SPOCK3: variants seen among roughly 807,000 people sequenced by gnomAD.
The protein encoded by SPOCK3 is SPARC (osteonectin), cwcv and kazal like domains proteoglycan 3, also known as testican-3.
SPOCK3 carries 30 observed loss-of-function variants against 56.6 expected under a neutral mutation model. That is an observed-to-expected ratio of 0.53 (90% CI 0.40 to 0.72). The LOEUF is 0.72. Ranked by LOEUF, SPOCK3 falls within the 30% of genes least tolerant of loss-of-function variation. SPOCK3 has a pLI of 0.00. For missense variants in SPOCK3, 527 were observed against 530.0 expected, an observed-to-expected ratio of 0.99 and a Z score of 0.06; for synonymous variants, 196 against 183.3, an observed-to-expected ratio of 1.07 and a Z score of -0.56.
At chr4:167,064,366 C>T (rs139703058) in intron 2 of SPOCK3, among the ~76,000 whole-genome samples, 57 of 151,694 alleles carry the variant, frequency 3.8e-4, no homozygotes, top group African/African-American at 1.3e-3. Context: ...GATAATGCTA[C>T]TGGATAATTA....
chr4:166,979,040 T>G (rs1746291622), intron 4 of SPOCK3, among the ~76,000 whole-genome samples: 3 of 152,204 alleles, frequency 2.0e-5, no homozygotes, highest in Admixed American at 1.3e-4. Context: ...ATTCTGTTTT[T>G]CAAACACTTC....
intron 7 of SPOCK3, among the ~76,000 whole-genome samples, chr4:166,788,141 C>T (rs1192920873): frequency 1.3e-5 from 2 of 152,084 alleles, no homozygotes; most frequent in Non-Finnish European, 2.9e-5. Context: ...GAGATGGCAC[C>T]ACTGCAGTCC....
At chr4:166,809,001 C>T (rs1743483574) in intron 6 of SPOCK3, among the ~76,000 whole-genome samples, 1 of 151,954 alleles carries the variant, frequency 6.6e-6, no homozygotes, top group African/African-American at 2.4e-5. Flanking sequence ...TATAAATTTG[C>T]TTCTTACACA....
chr4:166,841,934 T>C (rs761190381), intron 6 of SPOCK3, among the ~76,000 whole-genome samples: 1 of 152,222 alleles, frequency 6.6e-6, no homozygotes, highest in Non-Finnish European at 1.5e-5. Flanking sequence ...CTGTAGTTTG[T>C]TCCTTCTGAT....
intron 2 of SPOCK3, among the ~76,000 whole-genome samples, chr4:167,209,884 C>T (rs186018425): frequency 1.4e-4 from 21 of 152,144 alleles, no homozygotes; most frequent in Non-Finnish European, 2.4e-4. Context: ...AATGGGAATT[C>T]CTTATACTAA....
intron 6 of SPOCK3, among the ~76,000 whole-genome samples, chr4:166,881,890 C>T (rs1468659991): frequency 1.3e-5 from 2 of 152,184 alleles, no homozygotes; most frequent in South Asian, 2.1e-4. Flanking sequence ...AAAGCTAATA[C>T]GTCCTATACT....
chr4:166,932,001 G>A (rs556556242), intron 4 of SPOCK3, among the ~76,000 whole-genome samples: 2 of 152,182 alleles, frequency 1.3e-5, no homozygotes, highest in East Asian at 1.9e-4. Context: ...GAAATACAGA[G>A]GAAGAAAATA....
chr4:167,041,248 T>C (rs1365771270), intron 3 of SPOCK3, among the ~76,000 whole-genome samples: 1 of 152,120 alleles, frequency 6.6e-6, no homozygotes, highest in Non-Finnish European at 1.5e-5. Flanking sequence ...GCAATAAAAA[T>C]GGGAGCTTGT....
chr4:166,870,668 C>A (rs530611531), intron 6 of SPOCK3, among the ~76,000 whole-genome samples: 1 of 152,030 alleles, frequency 6.6e-6, no homozygotes, highest in Non-Finnish European at 1.5e-5. Flanking sequence ...GAAAATACAA[C>A]TCATAAAAAT....
intron 2 of SPOCK3, among the ~76,000 whole-genome samples, chr4:167,169,360 C>T (rs1730294168): frequency 6.6e-6 from 1 of 152,208 alleles, no homozygotes; most frequent in South Asian, 2.1e-4. Flanking sequence ...ATGGAGCTGT[C>T]CAAGTCTGTG....
At chr4:167,068,941 C>T (rs1010190675) in intron 2 of SPOCK3, among the ~76,000 whole-genome samples, 1 of 151,890 alleles carries the variant, frequency 6.6e-6, no homozygotes, top group African/African-American at 2.4e-5. Context: ...GTGAACCTAA[C>T]TTATAAACAT....
chr4:166,771,841 A>G (rs1352715115), intron 7 of SPOCK3, among the ~76,000 whole-genome samples: 1 of 152,088 alleles, frequency 6.6e-6, no homozygotes, highest in African/African-American at 2.4e-5. Context: ...TACATGGTAC[A>G]TCATAAAATT....
chr4:167,168,330 A>C (rs1043648921), intron 2 of SPOCK3, among the ~76,000 whole-genome samples: 2 of 152,100 alleles, frequency 1.3e-5, no homozygotes, highest in African/African-American at 4.8e-5. Context: ...AAAATCTAGG[A>C]AAGTTTGGAA....
chr4:167,136,417 G>T (rs1431995842), intron 2 of SPOCK3, among the ~76,000 whole-genome samples: 1 of 151,948 alleles, frequency 6.6e-6, no homozygotes, highest in Non-Finnish European at 1.5e-5. Flanking sequence ...TCTGTAAAAA[G>T]AACAACATAA....
At chr4:167,225,925 G>A (rs1736551151) in intron 2 of SPOCK3, among the ~76,000 whole-genome samples, 1 of 152,174 alleles carries the variant, frequency 6.6e-6, no homozygotes, top group Non-Finnish European at 1.5e-5. Flanking sequence ...AACCTGGCAA[G>A]GGTGTCACTT....
At chr4:167,055,117 G>C (rs1395965990) in intron 3 of SPOCK3, among the ~76,000 whole-genome samples, 1 of 151,976 alleles carries the variant, frequency 6.6e-6, no homozygotes, top group Non-Finnish European at 1.5e-5. Context: ...GACAATGTAA[G>C]TTTTTCTTCA....
chr4:166,753,152 G>GT (rs2126484420), intron 8 of SPOCK3, among the ~76,000 whole-genome samples: 1 of 98,572 alleles, frequency 1.0e-5, no homozygotes, highest in South Asian at 4.1e-4. Flanking sequence ...TATTTTAAAT[G>GT]TTTGTGTATA....
intron 3 of SPOCK3, among the ~76,000 whole-genome samples, chr4:167,055,961 G>A (rs1188606842): frequency 1.3e-5 from 2 of 152,182 alleles, no homozygotes; most frequent in Non-Finnish European, 2.9e-5. Flanking sequence ...GGTTCTCCCA[G>A]CACGAAGCTG....
At chr4:167,078,248 A>G (rs1177867981) in intron 2 of SPOCK3, among the ~76,000 whole-genome samples, 3 of 151,148 alleles carry the variant, frequency 2.0e-5, no homozygotes, top group Admixed American at 6.6e-5. Flanking sequence ...TTATCAGGTC[A>G]TAATGTTTAT....
Sources: gnomAD v4.1 joint callset for allele counts (sites outside exome capture counted in the v4.1 genomes callset) on GRCh38, gnomAD v4.1.1 for gene constraint, MANE v1.5 for transcripts, NCBI Gene and HGNC (gene_info 2026-07-23, HGNC 2026-07-21) for gene names.